AMMECR1: variants seen among roughly 807,000 people sequenced by gnomAD.
AMMECR1 encodes the protein nuclear protein AMMECR1.
In AMMECR1, 3 loss-of-function variants were observed where a neutral mutation model predicts 22.5. The ratio of observed to expected loss-of-function variants is 0.13; its 90% CI spans 0.06 to 0.35. AMMECR1 has a LOEUF of 0.35. Ranked by LOEUF, AMMECR1 falls within the 10% of genes least tolerant of loss-of-function variation. The pLI, the probability that AMMECR1 is intolerant of heterozygous loss-of-function variation, is 1.00. For synonymous variants in AMMECR1, 130 were observed against 116.7 expected (o/e 1.11, Z -0.74); for missense variants, 235 against 278.7 (o/e 0.84, Z 1.12).
chrX:110,288,982 T>C (rs1263742336), intron 1 of AMMECR1, among the ~76,000 whole-genome samples: 1 of 111,982 alleles, frequency 8.9e-6, no homozygotes, highest in Non-Finnish European at 1.9e-5. Flanking sequence ...AATATACTTA[T>C]TTCCCAACAG....
At chrX:110,217,952 T>A (rs998292572) in intron 2 of AMMECR1, among the ~76,000 whole-genome samples, 2 of 111,397 alleles carry the variant, frequency 1.8e-5, no homozygotes, top group Non-Finnish European at 1.9e-5. Flanking sequence ...AGATGTTATA[T>A]ATGTATAAAA....
intron 2 of AMMECR1, among the ~76,000 whole-genome samples, chrX:110,350,267 C>T (rs2068206211): frequency 9.0e-6 from 1 of 111,487 alleles, no homozygotes; most frequent in Non-Finnish European, 1.9e-5. Flanking sequence ...TGGTGAGGGG[C>T]TTCTAGTTTC....
At position 110,372,679 on chromosome X, in the gene AMMECR1, A is replaced by G. The variant is rs188130328; in HGVS notation, c.-148+53979T>C. ...TATTTTCACTGTTAAAAGCAACACA[A>G]CTTAAAACACAGAGACATACTGGAT... On this transcript the variant is annotated intron_variant, in intron 2 of 7. Transcript: ENST00000372057. 8.9e-5 allele frequency among the ~76,000 whole-genome samples: 10 copies of G among 112,152 alleles called. No individual in the cohort carries two copies. In the Admixed American group the frequency reaches 9.5e-4, roughly 11 times the overall value.
In AMMECR1 at chrX:110,286,790, G is replaced by A. The variant is rs12688034; in HGVS notation, c.474-22191C>T. Reference sequence around the variant, plus strand: ...ATTCATTGGCCATCTGGAGACCTTAGTTAAAAAAAATCATGAGGCTAATCC... The same window carrying A: ...ATTCATTGGCCATCTGGAGACCTTAATTAAAAAAAATCATGAGGCTAATCC... On this transcript the variant is annotated intron_variant, in intron 1 of 5. Transcript: ENST00000262844. 4.5e-5 allele frequency among the ~76,000 whole-genome samples: 5 copies of A among 110,785 alleles called. No individual in the cohort carries two copies. In the East Asian group the frequency reaches 8.4e-4, roughly 19 times the overall value.
At chrX:110,408,393 C>G (rs772163018) in intron 2 of AMMECR1, among the ~76,000 whole-genome samples, 1 of 112,420 alleles carries the variant, frequency 8.9e-6, no homozygotes, top group South Asian at 3.7e-4. Flanking sequence ...AATGGGGATG[C>G]TAGATGTTCT....
intron 2 of AMMECR1, among the ~76,000 whole-genome samples, chrX:110,371,862 C>G (rs920236785): frequency 1.7e-4 from 19 of 111,332 alleles, no homozygotes; most frequent in Non-Finnish European, 5.7e-5. Context: ...GGGTGCTTCA[C>G]CATCCTTTTT....
intron 1 of AMMECR1, among the ~76,000 whole-genome samples, chrX:110,279,067 C>T (rs2067839931): frequency 8.9e-6 from 1 of 112,076 alleles, no homozygotes; most frequent in Admixed American, 9.5e-5. Context: ...CTACTTCTCA[C>T]ACTCCTTCTT....
intron 2 of AMMECR1, among the ~76,000 whole-genome samples, chrX:110,350,421 C>G (rs966021980): frequency 1.8e-5 from 2 of 111,521 alleles, no homozygotes; most frequent in African/African-American, 6.5e-5. Context: ...CCACTTCTAC[C>G]TAACACTGTA....
intron 1 of AMMECR1, among the ~76,000 whole-genome samples, chrX:110,293,740 T>C (rs746682593): frequency 4.0e-4 from 45 of 112,065 alleles, no homozygotes; most frequent in African/African-American, 1.3e-3. Flanking sequence ...AGGCTTATTC[T>C]AGTGAAGGCA....
chrX:110,408,313 C>T (rs2068616915), intron 2 of AMMECR1, among the ~76,000 whole-genome samples: 1 of 111,938 alleles, frequency 8.9e-6, no homozygotes. Context: ...AGACTGGTGG[C>T]TCTCAACTGA....
chrX:110,364,477 C>T (rs2068284212), intron 2 of AMMECR1, among the ~76,000 whole-genome samples: 1 of 111,665 alleles, frequency 9.0e-6, no homozygotes, highest in African/African-American at 3.3e-5. Flanking sequence ...GCTGCTCCCA[C>T]CAAACAAACA....
At chrX:110,338,137 T>C (rs1354219540) in intron 2 of AMMECR1, among the ~76,000 whole-genome samples, 2 of 112,047 alleles carry the variant, frequency 1.8e-5, no homozygotes, top group African/African-American at 3.2e-5. Context: ...GTTATGGAGA[T>C]GGATGGTGGT....
chrX:110,274,332 A>C (rs778820783), intron 1 of AMMECR1, among the ~76,000 whole-genome samples: 1 of 112,223 alleles, frequency 8.9e-6, no homozygotes, highest in African/African-American at 3.2e-5. Context: ...TCTATCAATT[A>C]CTGAATTAAT....
chrX:110,384,818 C>T (rs1331791787), intron 2 of AMMECR1, among the ~76,000 whole-genome samples: 2 of 110,899 alleles, frequency 1.8e-5, no homozygotes, highest in African/African-American at 6.6e-5. Context: ...GGTGCATACC[C>T]TTCCTGAAAT....
chrX:110,415,722 C>G (rs1490009010), intron 2 of AMMECR1, among the ~76,000 whole-genome samples: 2 of 111,181 alleles, frequency 1.8e-5, no homozygotes, highest in African/African-American at 6.6e-5. Flanking sequence ...TCTTTTCTCC[C>G]AAAGCTGGGC....
intron 2 of AMMECR1, among the ~76,000 whole-genome samples, chrX:110,424,935 G>T (rs2068743624): frequency 9.0e-6 from 1 of 111,634 alleles, no homozygotes; most frequent in African/African-American, 3.3e-5. Context: ...ATGCTAGGTG[G>T]TTTTCATTTA....
At chrX:110,253,376 TA>T (rs899200556) in intron 2 of AMMECR1, among the ~76,000 whole-genome samples, 5 of 112,164 alleles carry the variant, frequency 4.5e-5, no homozygotes, top group African/African-American at 1.6e-4. Context: ...GCTAATGGGG[TA>T]AATGTGCTGC....
chrX:110,273,010 T>C (rs1046034650), intron 1 of AMMECR1, among the ~76,000 whole-genome samples: 11 of 112,160 alleles, frequency 9.8e-5, no homozygotes, highest in African/African-American at 3.2e-4. Context: ...TGATTTCTTT[T>C]CCTTTTGGTA....
intron 2 of AMMECR1, among the ~76,000 whole-genome samples, chrX:110,398,863 T>C: frequency 8.9e-6 from 1 of 112,486 alleles, no homozygotes. Context: ...TTCATTTCAT[T>C]TGCCGACTTT....
Sources: gnomAD v4.1 joint callset for allele counts (sites outside exome capture counted in the v4.1 genomes callset) on GRCh38, gnomAD v4.1.1 for gene constraint, MANE v1.5 for transcripts, NCBI Gene and HGNC (gene_info 2026-07-23, HGNC 2026-07-21) for gene names.